Variants in KDM6A observed in about 807,000 individuals in gnomAD.
The protein encoded by KDM6A is lysine-specific demethylase 6A.
KDM6A carries 11 observed loss-of-function variants against 117.6 expected under a neutral mutation model. The observed-to-expected ratio is 0.09, with a 90% CI of 0.06 to 0.15. KDM6A has a LOEUF of 0.15. Ranked by LOEUF, KDM6A falls within the 10% of genes least tolerant of loss-of-function variation. KDM6A has a pLI of 1.00. For synonymous variants in KDM6A, 384 were observed against 396.1 expected, an observed-to-expected ratio of 0.97 and a Z score of 0.36; for missense variants, 799 against 1,077.3, an observed-to-expected ratio of 0.74 and a Z score of 3.62.
At chrX:44,964,560 T>C (rs2038910188) in intron 3 of KDM6A, among the ~76,000 whole-genome samples, 1 of 111,040 alleles carries the variant, frequency 9.0e-6, no homozygotes, top group Non-Finnish European at 1.9e-5. Flanking sequence ...TGCTTGTACA[T>C]CTCCATCAGA....
At position 45,080,322 on chromosome X, in the gene KDM6A, A is replaced by G. The variant is rs150039708; in HGVS notation, c.3300+971A>G. On this transcript the variant is annotated intron_variant, in intron 21 of 29. Coordinates refer to ENST00000611820, the MANE Select transcript of KDM6A (RefSeq NM_001291415.2). Reference sequence around the variant, plus strand: ...AATTAAAAAACAAAAATGTAAAAATAATCAGGATTATTATTATTAAAAGAC... The same window carrying G: ...AATTAAAAAACAAAAATGTAAAAATGATCAGGATTATTATTATTAAAAGAC... Among the ~76,000 whole-genome samples the G allele has an allele frequency of 3.0e-4, 34 of 111,856 alleles. No individual in the cohort carries two copies. In the East Asian group the frequency reaches 5.6e-3, roughly 18 times the overall value.
chrX:44,949,126 C>T (rs1189623381), intron 2 of KDM6A, among the ~76,000 whole-genome samples: 1 of 111,787 alleles, frequency 8.9e-6, no homozygotes, highest in African/African-American at 3.3e-5. Context: ...TGCGGTGGCT[C>T]AGTTCTGTAA....
At chrX:45,070,465 A>G (rs1382060791) in intron 18 of KDM6A, 108 bp downstream of exon 18, 15 of 692,678 alleles carry the variant, frequency 2.2e-5, no homozygotes, top group Non-Finnish European at 3.3e-5. Flanking sequence ...AAGATGGTGT[A>G]GTCATTCATC....
chrX:44,933,572 C>T (rs980824397), intron 2 of KDM6A, among the ~76,000 whole-genome samples: 3 of 96,833 alleles, frequency 3.1e-5, no homozygotes, highest in Admixed American at 1.1e-4. Context: ...TGCGCCTGGC[C>T]GATGTTTTTG....
chrX:44,964,888 C>T (rs919815916), intron 3 of KDM6A, among the ~76,000 whole-genome samples: 2 of 112,316 alleles, frequency 1.8e-5, no homozygotes, highest in South Asian at 3.7e-4. Context: ...GAAAGTCCTA[C>T]ATCTGAAAGT....
chrX:45,110,063 C>T lies in KDM6A; in HGVS notation c.4162-16C>T. The T allele has an allele frequency of 8.3e-7, 1 of 1,199,868 alleles. No individual in the cohort carries two copies. Among genetic ancestry groups the T allele is most frequent in the Non-Finnish European group, 1.1e-6 (1 of 884,947 alleles). On this transcript the variant is annotated splice_polypyrimidine_tract_variant and intron_variant, in intron 28 of 29. Coordinates refer to ENST00000611820, the MANE Select transcript of KDM6A (RefSeq NM_001291415.2). The stretch of plus-strand genomic sequence containing the variant: ...CACTATCTCTATTGAATACGTTTTT[C>T]TCTTGTATAAAACAGGTGGAGGTTT...
chrX:44,941,193 ATTTTTGCT>A (rs929145355), intron 2 of KDM6A, among the ~76,000 whole-genome samples: 1 of 111,906 alleles, frequency 8.9e-6, no homozygotes, highest in African/African-American at 3.2e-5. Flanking sequence ...GCTCTGTTTG[ATTTTTGCT>A]GATGCCAGCA....
chrX:45,015,897 A>G (rs12861013), intron 5 of KDM6A, among the ~76,000 whole-genome samples: 18 of 111,731 alleles, frequency 1.6e-4, no homozygotes, highest in African/African-American at 5.9e-4. Context: ...GCAATAGGGT[A>G]GGGGAAAGAA....
intron 2 of KDM6A, among the ~76,000 whole-genome samples, chrX:44,920,091 G>T (rs1368429091): frequency 1.8e-5 from 2 of 112,353 alleles, no homozygotes; most frequent in Non-Finnish European, 3.8e-5. Flanking sequence ...GTCTATGTTG[G>T]TGAGTATTTT....
At chrX:44,928,106 A>C (rs1243302233) in intron 2 of KDM6A, among the ~76,000 whole-genome samples, 1 of 112,627 alleles carries the variant, frequency 8.9e-6, no homozygotes, top group Middle Eastern at 4.6e-3. Context: ...ATGATTCTGT[A>C]TTTAAAATAC....
chrX:44,943,400 A>G (rs187800735), intron 2 of KDM6A, among the ~76,000 whole-genome samples: 2 of 112,185 alleles, frequency 1.8e-5, no homozygotes, highest in Non-Finnish European at 3.8e-5. Context: ...TGCTAAGCAC[A>G]TGCTGTTGGA....
chrX:45,059,048 T>C lies in KDM6A; in HGVS notation c.918T>C (p.Ser306=), dbSNP rs753152841. The change falls in exon 11 of 30, where the codon TCT becomes TCC. Residue 306 remains serine (S), a synonymous_variant. Transcript: ENST00000611820. ...GGAAAGTTCAGGATGCCTTTATATC[T>C]TACAGGCAGTCTATTGATAAATCAG... The part of the protein sequence containing the change: ...SIGKVQDAFI[S]YRQSIDKSEA... The C allele has an allele frequency of 1.1e-5, 13 of 1,206,004 alleles. No homozygotes were observed. The Middle Eastern group carries it at 1.1e-3, about 98-fold the overall frequency.
intron 2 of KDM6A, among the ~76,000 whole-genome samples, chrX:44,883,645 A>T (rs1466264304): frequency 9.0e-6 from 1 of 110,659 alleles, no homozygotes; most frequent in Non-Finnish European, 1.9e-5. Flanking sequence ...AAGTTCTGGG[A>T]TTACAAGCGT....
At chrX:45,009,536 ACCT>A in intron 4 of KDM6A, among the ~76,000 whole-genome samples, 1 of 111,003 alleles carries the variant, frequency 9.0e-6, no homozygotes, top group East Asian at 2.8e-4. Flanking sequence ...AGAATGCCTA[ACCT>A]CCTGGGAATG....
At chrX:45,091,285 A>G (rs943281398) in intron 27 of KDM6A, among the ~76,000 whole-genome samples, 7 of 111,898 alleles carry the variant, frequency 6.3e-5, no homozygotes, top group African/African-American at 2.3e-4. Context: ...TAAATCATCT[A>G]TTTTTTAAGT....
chrX:44,943,028 T>C (rs1327108390), intron 2 of KDM6A, among the ~76,000 whole-genome samples: 1 of 111,752 alleles, frequency 8.9e-6, no homozygotes, highest in African/African-American at 3.3e-5. Flanking sequence ...GTCTTTTGTA[T>C]TGTCATACAT....
chrX:44,936,014 A>T (rs2036946222), intron 2 of KDM6A, among the ~76,000 whole-genome samples: 1 of 112,288 alleles, frequency 8.9e-6, no homozygotes. Flanking sequence ...TCTGTAACAG[A>T]TAACTATAAA....
rs187424239 is a variant in KDM6A, at chrX:45,109,587, G to A, written c.4162-492G>A. ...TTGATTTTTTTTTTAAATGTCATAT[G>A]GCCTGACCAAAGTGAGTCATTAGGA... On this transcript the variant is annotated intron_variant, in intron 28 of 29. Transcript: ENST00000611820. Among the ~76,000 whole-genome samples the A allele has an allele frequency of 2.3e-3, 257 of 110,470 alleles. 1 individual carries two copies. Among genetic ancestry groups the A allele is most frequent in the African/African-American group, 8.2e-3 (251 of 30,455 alleles).
chrX:44,901,868 A>G (rs2034370772), intron 2 of KDM6A, among the ~76,000 whole-genome samples: 1 of 112,060 alleles, frequency 8.9e-6, no homozygotes, highest in Non-Finnish European at 1.9e-5. Flanking sequence ...TTTAGTTTCA[A>G]CCTATTTTTG....
Sources: gnomAD v4.1 joint callset for allele counts (sites outside exome capture counted in the v4.1 genomes callset) on GRCh38, gnomAD v4.1.1 for gene constraint, MANE v1.5 for transcripts, NCBI Gene and HGNC (gene_info 2026-07-23, HGNC 2026-07-21) for gene names.